Variants in GCNT1 observed in about 807,000 individuals in gnomAD.
GCNT1 encodes beta-1,3-galactosyl-O-glycosyl-glycoprotein beta-1,6-N-acetylglucosaminyltransferase.
GCNT1 carries 16 observed loss-of-function variants against 26.2 expected under a neutral mutation model. The ratio of observed to expected loss-of-function variants is 0.61; its 90% CI spans 0.41 to 0.93. GCNT1 has a LOEUF of 0.93. GCNT1 is among the 40% of genes least tolerant of loss of function. The pLI is 0.00. For synonymous variants in GCNT1, 183 were observed against 190.8 expected, an observed-to-expected ratio of 0.96 and a Z score of 0.34; for missense variants, 477 against 526.7, an observed-to-expected ratio of 0.91 and a Z score of 0.92.
intron 2 of GCNT1, among the ~76,000 whole-genome samples, chr9:76,492,119 C>T (rs1271496884): frequency 1.3e-5 from 2 of 152,168 alleles, no homozygotes; most frequent in Admixed American, 6.5e-5. Flanking sequence ...GCTATTCCTG[C>T]TCTGTCTGTG....
Position 76,447,033 on chromosome 9 carries a change from T to C in GCNT1, c.-290+4718T>C, listed in dbSNP as rs888334670. Among the ~76,000 whole-genome samples, 4 of 151,060 alleles carry C rather than the reference T, an allele frequency of 2.6e-5. No individual in the cohort carries two copies. The Admixed American group carries it at 2.7e-4, about 10-fold the overall frequency. On this transcript the variant is annotated intron_variant, in intron 1 of 2. Coordinates refer to the GCNT1 transcript ENST00000442371. Reference sequence around the variant, plus strand: ...AACTGGGCATGGTAGCGTCCACCTGTAATCCCAGCTACTTGGGAGGCTGAG... The same window carrying C: ...AACTGGGCATGGTAGCGTCCACCTGCAATCCCAGCTACTTGGGAGGCTGAG...
intron 2 of GCNT1, among the ~76,000 whole-genome samples, chr9:76,473,160 AG>A (rs2131606752): frequency 6.6e-6 from 1 of 152,338 alleles, no homozygotes; most frequent in Admixed American, 6.5e-5. Flanking sequence ...CAGCAACACT[AG>A]ATGCTTCCTG....
chr9:76,486,514 G>A (rs1052240216), intron 2 of GCNT1, among the ~76,000 whole-genome samples: 2 of 152,186 alleles, frequency 1.3e-5, no homozygotes, highest in African/African-American at 4.8e-5. Context: ...AAGGTGGGCT[G>A]TAAATTGCAC....
At position 76,503,113 on chromosome 9, in the gene GCNT1, G is replaced by T; in HGVS notation, c.732G>T (p.Thr244=). 1 of 1,614,148 alleles carries T rather than the reference G, an allele frequency of 6.2e-7. No individual in the cohort carries two copies. The highest frequency in any genetic ancestry group is 8.5e-7 in the Non-Finnish European group (1 of 1,180,034). ...TAATGGGAGAAAACAACCTGGAAAC[G>T]GAGAGGATGCCATCCCATAAAGAAG... The part of the protein sequence containing the change: ...KLLMGENNLE[T]ERMPSHKEER... Residue 244 remains threonine, a synonymous_variant, in exon 4 of 4, where the codon ACG becomes ACT. Coordinates refer to ENST00000376730, the MANE Select transcript of GCNT1 (RefSeq NM_001490.5).
intron 2 of GCNT1, among the ~76,000 whole-genome samples, chr9:76,482,477 A>G (rs1310712495): frequency 6.8e-6 from 1 of 147,728 alleles, no homozygotes; most frequent in Non-Finnish European, 1.5e-5. Flanking sequence ...AAAAAAAATT[A>G]GCCGGGCGTG....
intron 2 of GCNT1, among the ~76,000 whole-genome samples, chr9:76,495,418 A>G (rs1824879874): frequency 1.3e-5 from 2 of 152,314 alleles, no homozygotes; most frequent in South Asian, 2.1e-4. Flanking sequence ...AGCAACAGCA[A>G]GATTTATTGT....
upstream of GCNT1, among the ~76,000 whole-genome samples, chr9:76,454,386 GAAAAAAAAAAAA>G (rs71372084): frequency 1.7e-3 from 68 of 39,624 alleles, 1 homozygote; most frequent in African/African-American, 4.7e-3. Flanking sequence ...TCTCAGAAAA[GAAAAAAAAAAAA>G]AAAAAAAAAA....
At chr9:76,486,652 G>A (rs1824584456) in intron 2 of GCNT1, among the ~76,000 whole-genome samples, 2 of 152,090 alleles carry the variant, frequency 1.3e-5, no homozygotes, top group Admixed American at 1.3e-4. Flanking sequence ...TTGTGTTTGA[G>A]GGACTTAGCC....
chr9:76,428,265 C>CAAAAAAAAAAAAAAAAAAAAAAAAAATAA (rs869195487), intron 1 of GCNT1, among the ~76,000 whole-genome samples: 1 of 29,774 alleles, frequency 3.4e-5, no homozygotes, highest in Non-Finnish European at 6.7e-5. Flanking sequence ...GACTCCGTCT[C>CAAAAAAAAAAAAAAAAAAAAAAAAAATAA]AAAAAAAAAA....
rs1825260519 is a variant in GCNT1, at chr9:76,507,176, T to C, written c.*3508T>C. 1 of 167,036 alleles carries C rather than the reference T, an allele frequency of 6.0e-6. No homozygotes were observed. Among genetic ancestry groups the C allele is most frequent in the South Asian group, 2.1e-4 (1 of 4,826 alleles). The allele number at this position is 167,036 out of a possible 1,614,324, so 10.3% of individuals were successfully genotyped here. ...TTGTGAAAGTGAAAAACAATGATTGTATGGGTACTCAAAGTATAATTTCTA... is the reference window on the plus strand; with the variant it reads ...TTGTGAAAGTGAAAAACAATGATTGCATGGGTACTCAAAGTATAATTTCTA... On this transcript the variant is annotated 3_prime_UTR_variant, in exon 4 of 4. Coordinates refer to ENST00000376730, the MANE Select transcript of GCNT1 (RefSeq NM_001490.5).
chr9:76,421,134 A>G (rs1823184734), intron 1 of GCNT1, among the ~76,000 whole-genome samples: 1 of 152,184 alleles, frequency 6.6e-6, no homozygotes, highest in Non-Finnish European at 1.5e-5. Context: ...AGATATTGAC[A>G]GTTTTACCAT....
At chr9:76,409,532 G>A in the GCNT1 span, among the ~76,000 whole-genome samples, 4 of 152,056 alleles carry the variant, frequency 2.6e-5, no homozygotes, top group Non-Finnish European at 5.9e-5. Flanking sequence ...TGCAAACTCT[G>A]CCTCCTGGGT....
chr9:76,434,889 G>A (rs1291272351), intron 1 of GCNT1, among the ~76,000 whole-genome samples: 1 of 152,046 alleles, frequency 6.6e-6, no homozygotes, highest in Non-Finnish European at 1.5e-5. Context: ...ACTGAAATAC[G>A]CCCCGTCTCC....
At chr9:76,468,190 C>T (rs1032459363) in intron 2 of GCNT1, among the ~76,000 whole-genome samples, 3 of 152,044 alleles carry the variant, frequency 2.0e-5, no homozygotes, top group Admixed American at 6.6e-5. Context: ...AGTCACCGCG[C>T]GCCGACCCTC....
chr9:76,444,063 C>CTCCAGGAG (rs1564225972), intron 1 of GCNT1, among the ~76,000 whole-genome samples: 1 of 152,022 alleles, frequency 6.6e-6, no homozygotes, highest in African/African-American at 2.4e-5. Context: ...AGACAGATGA[C>CTCCAGGAG]TCCAGGAGTG....
At chr9:76,408,011 G>A in the GCNT1 span, among the ~76,000 whole-genome samples, 1 of 152,100 alleles carries the variant, frequency 6.6e-6, no homozygotes, top group Non-Finnish European at 1.5e-5. Flanking sequence ...TTAGTTCCAG[G>A]AATCTTTTGT....
At chr9:76,446,551 C>A (rs1323420231) in intron 1 of GCNT1, among the ~76,000 whole-genome samples, 1 of 152,118 alleles carries the variant, frequency 6.6e-6, no homozygotes, top group East Asian at 1.9e-4. Flanking sequence ...TACATTTTGA[C>A]CAAGCAATAC....
chr9:76,448,717 G>T (rs573894690), intron 1 of GCNT1, among the ~76,000 whole-genome samples: 43 of 152,226 alleles, frequency 2.8e-4, no homozygotes, highest in African/African-American at 1.0e-3. Context: ...TGAATCAAAC[G>T]GTCTGTACTC....
At position 76,505,054 on chromosome 9, in the gene GCNT1, A is replaced by G. The variant is rs1051025410; in HGVS notation, c.*1386A>G. 1.2e-5 allele frequency: 5 copies of G among 412,530 alleles called. No individual in the cohort carries two copies. The highest frequency in any genetic ancestry group is 4.4e-5 in the Admixed American group (1 of 22,738). The allele number at this position is 412,530 out of a possible 1,614,324, so 25.6% of individuals were successfully genotyped here. On this transcript the variant is annotated 3_prime_UTR_variant, in exon 4 of 4. Coordinates refer to ENST00000376730, the MANE Select transcript of GCNT1 (RefSeq NM_001490.5). ...TCAAATCTTAAAAAGAAATTCTCGT[A>G]CTTTTGCCATGTTGATACTGTTCAG...
Sources: gnomAD v4.1 joint callset for allele counts (sites outside exome capture counted in the v4.1 genomes callset) on GRCh38, gnomAD v4.1.1 for gene constraint, MANE v1.5 for transcripts, NCBI Gene and HGNC (gene_info 2026-07-23, HGNC 2026-07-21) for gene names.